SGCZ: variants seen among roughly 807,000 people sequenced by gnomAD.
SGCZ encodes the protein sarcoglycan zeta, also known as zeta-sarcoglycan.
SGCZ carries 40 observed loss-of-function variants against 41.3 expected under a neutral mutation model. The ratio of observed to expected loss-of-function variants is 0.97; its 90% CI spans 0.75 to 1.26. The LOEUF is 1.26. Ranked by LOEUF, SGCZ falls within the 50% of genes most tolerant of loss-of-function variation. The pLI, the probability that SGCZ is intolerant of heterozygous loss-of-function variation, is 0.00. For synonymous variants in SGCZ, 206 were observed against 137.5 expected (o/e 1.50, Z -3.49); for missense variants, 552 against 369.8 (o/e 1.49, Z -4.04).
intron 2 of SGCZ, among the ~76,000 whole-genome samples, chr8:14,437,377 T>C (rs1296384926): frequency 6.6e-6 from 1 of 152,172 alleles, no homozygotes; most frequent in African/African-American, 2.4e-5. Flanking sequence ...AAGCCATTCC[T>C]TCCTTTTCCA....
chr8:14,354,845 G>A (rs984441774), intron 2 of SGCZ, among the ~76,000 whole-genome samples: 2 of 151,574 alleles, frequency 1.3e-5, no homozygotes, highest in African/African-American at 4.8e-5. Flanking sequence ...TAATTATTCT[G>A]TTAGTAAAGC....
chr8:14,794,913 C>A (rs1460215319), intron 1 of SGCZ, among the ~76,000 whole-genome samples: 1 of 152,134 alleles, frequency 6.6e-6, no homozygotes, highest in Non-Finnish European at 1.5e-5. Flanking sequence ...AAATAACTGT[C>A]AATGAAGAAC....
intron 1 of SGCZ, among the ~76,000 whole-genome samples, chr8:14,996,529 G>C (rs1344248322): frequency 6.6e-6 from 1 of 152,202 alleles, no homozygotes; most frequent in East Asian, 1.9e-4. Context: ...AGCCTCCCAA[G>C]TAGCTGGGAG....
chr8:15,140,722 G>T (rs1367678197), intron 1 of SGCZ, among the ~76,000 whole-genome samples: 1 of 152,090 alleles, frequency 6.6e-6, no homozygotes, highest in African/African-American at 2.4e-5. Flanking sequence ...GATTCAGAGA[G>T]CTTTCTTTTT....
chr8:15,237,461 A>G, intron 1 of SGCZ, 124 bp downstream of exon 1: 2 of 1,184,008 alleles, frequency 1.7e-6, no homozygotes, highest in Admixed American at 2.0e-5. Context: ...CGTCCCCCCA[A>G]CGCCCCCTCG....
At chr8:15,193,540 C>T (rs1209195895) in intron 1 of SGCZ, among the ~76,000 whole-genome samples, 1 of 152,006 alleles carries the variant, frequency 6.6e-6, no homozygotes, top group Admixed American at 6.6e-5. Context: ...GCAACAAAAC[C>T]TGACACATAA....
intron 1 of SGCZ, among the ~76,000 whole-genome samples, chr8:15,144,405 G>A (rs754734437): frequency 1.3e-5 from 2 of 151,496 alleles, no homozygotes; most frequent in Non-Finnish European, 2.9e-5. Flanking sequence ...GTTTAATGAA[G>A]GCTTTTCATG....
chr8:14,177,589 A>C (rs1048862492), intron 4 of SGCZ, among the ~76,000 whole-genome samples: 4 of 151,520 alleles, frequency 2.6e-5, no homozygotes, highest in Non-Finnish European at 5.9e-5. Context: ...GGCTCACTGC[A>C]AGCTCCGCCT....
intron 5 of SGCZ, among the ~76,000 whole-genome samples, chr8:14,126,597 A>C (rs1802868821): frequency 6.6e-6 from 1 of 152,218 alleles, no homozygotes; most frequent in Non-Finnish European, 1.5e-5. Flanking sequence ...AGAATCTAGA[A>C]ACAGAAATAC....
At chr8:15,158,130 T>C (rs1301309712) in intron 1 of SGCZ, among the ~76,000 whole-genome samples, 2 of 151,752 alleles carry the variant, frequency 1.3e-5, no homozygotes, top group Admixed American at 6.6e-5. Flanking sequence ...ATTTCTTCTC[T>C]ACTCCATCTC....
rs1332007648 is a variant in SGCZ, at chr8:15,010,114, T to G, written c.39+227471A>C. On this transcript the variant is annotated intron_variant, in intron 1 of 7. Transcript: ENST00000382080. ...CATCTCCTAGCAACAGGAATAATGT[T>G]AGCCTGTTGTTCATAATGGTGAGAA... 1.3e-5 allele frequency among the ~76,000 whole-genome samples: 2 copies of G among 152,196 alleles called. 1 individual carries two copies. Among genetic ancestry groups the G allele is most frequent in the African/African-American group, 4.8e-5 (2 of 41,460 alleles).
chr8:15,024,255 C>A (rs1302229096), intron 1 of SGCZ, among the ~76,000 whole-genome samples: 1 of 151,900 alleles, frequency 6.6e-6, no homozygotes, highest in Non-Finnish European at 1.5e-5. Flanking sequence ...ATATGATGGC[C>A]ATGAAATATT....
intron 1 of SGCZ, among the ~76,000 whole-genome samples, chr8:14,618,761 G>A (rs1806188904): frequency 6.6e-6 from 1 of 152,100 alleles, no homozygotes; most frequent in African/African-American, 2.4e-5. Flanking sequence ...TAGCCACCGA[G>A]GTCATGTGAA....
chr8:14,193,188 G>A (rs1563177972), intron 4 of SGCZ, among the ~76,000 whole-genome samples: 1 of 151,758 alleles, frequency 6.6e-6, no homozygotes, highest in Admixed American at 6.6e-5. Context: ...CTACACTACA[G>A]AAACATCCAT....
chr8:14,473,928 A>T (rs141467815), intron 2 of SGCZ, among the ~76,000 whole-genome samples: 2,739 of 117,326 alleles, frequency 0.023, 77 homozygotes, highest in African/African-American at 0.081. Context: ...ACAGAGCAAG[A>T]CCCTGTCTCA....
chr8:14,650,533 T>G (rs1295665998), intron 1 of SGCZ, among the ~76,000 whole-genome samples: 1 of 151,930 alleles, frequency 6.6e-6, no homozygotes, highest in South Asian at 2.1e-4. Flanking sequence ...TAGGCCCCAG[T>G]GTCTGCTGTT....
At chr8:14,327,118 C>G (rs1432963419) in intron 2 of SGCZ, among the ~76,000 whole-genome samples, 2 of 152,082 alleles carry the variant, frequency 1.3e-5, no homozygotes, top group Non-Finnish European at 2.9e-5. Context: ...TGGTGATAAA[C>G]TAATGATGAA....
At chr8:14,981,827 T>C (rs537340650) in intron 1 of SGCZ, among the ~76,000 whole-genome samples, 5 of 152,272 alleles carry the variant, frequency 3.3e-5, no homozygotes. Flanking sequence ...AGATAAAGTA[T>C]ATTCTCTACT....
intron 1 of SGCZ, among the ~76,000 whole-genome samples, chr8:14,969,555 C>T (rs1801227323): frequency 6.6e-6 from 1 of 151,920 alleles, no homozygotes; most frequent in African/African-American, 2.4e-5. Context: ...CTCCAAGCAA[C>T]CCTAATCTGC....
Sources: gnomAD v4.1 joint callset for allele counts (sites outside exome capture counted in the v4.1 genomes callset) on GRCh38, gnomAD v4.1.1 for gene constraint, MANE v1.5 for transcripts, NCBI Gene and HGNC (gene_info 2026-07-23, HGNC 2026-07-21) for gene names.